TMA7: variants seen among roughly 807,000 people sequenced by gnomAD.
TMA7 encodes translation machinery-associated protein 7.
Under a neutral mutation model 12.5 loss-of-function variants are expected in TMA7, and 5 were observed. That is an observed-to-expected ratio of 0.40 (90% CI 0.21 to 0.84). TMA7 has a LOEUF of 0.84. Among genes scored for constraint, TMA7 ranks in the 40% least tolerant of loss-of-function variants. The pLI is 0.36. For missense variants in TMA7, 71 were observed against 75.4 expected, an observed-to-expected ratio of 0.94 and a Z score of 0.22; for synonymous variants, 36 against 28.1, an observed-to-expected ratio of 1.28 and a Z score of -0.89.
Position 48,440,293 on chromosome 3 carries a change from C to A in TMA7, c.-4C>A. On this transcript the variant is annotated 5_prime_UTR_variant, in exon 1 of 4. Coordinates refer to ENST00000438607, the MANE Select transcript of TMA7 (RefSeq NM_015933.6). ...CAGGGTCTGGGGAAGCGGCGGCAGG[C>A]GCCATGTCCGGCCGCGAAGGTAAGT... The A allele has an allele frequency of 1.2e-6, 2 of 1,604,396 alleles. No homozygotes were observed. The highest frequency in any genetic ancestry group is 2.2e-5 in the South Asian group (2 of 90,322).
chr3:48,441,371 C>T (rs1167608604), intron 3 of TMA7, among the ~76,000 whole-genome samples: 1 of 151,206 alleles, frequency 6.6e-6, no homozygotes, highest in Non-Finnish European at 1.5e-5. Context: ...ATAGTAGAGA[C>T]GGAGTTTCAC....
At chr3:48,440,679 A>G in intron 3 of TMA7, 51 bp downstream of exon 3, 3 of 1,541,434 alleles carry the variant, frequency 1.9e-6, no homozygotes, top group East Asian at 2.3e-5. Context: ...ATGAGCACCT[A>G]TTGGGATGAG....
intron 3 of TMA7, among the ~76,000 whole-genome samples, chr3:48,442,279 A>T (rs1575431328): frequency 1.4e-5 from 2 of 142,818 alleles, no homozygotes. Context: ...AAAAAAAAAA[A>T]GGTATCTTGC....
intron 3 of TMA7, among the ~76,000 whole-genome samples, 177 bp from the exon 4 acceptor site, chr3:48,443,671 C>T (rs1434537164): frequency 6.6e-6 from 1 of 151,982 alleles, no homozygotes; most frequent in Non-Finnish European, 1.5e-5. Flanking sequence ...TACTCCATCT[C>T]ATCCTCATTT....
intron 3 of TMA7, among the ~76,000 whole-genome samples, chr3:48,442,672 G>A (rs1160043480): frequency 1.3e-5 from 2 of 151,630 alleles, no homozygotes; most frequent in Non-Finnish European, 2.9e-5. Context: ...GGATGGTCTC[G>A]ATCTCCTGAC....
At chr3:48,442,146 C>CT (rs1045020088) in intron 3 of TMA7, among the ~76,000 whole-genome samples, 2 of 151,862 alleles carry the variant, frequency 1.3e-5, no homozygotes, top group African/African-American at 4.8e-5. Context: ...GGCAGCCTCG[C>CT]TTAAGCCCAG....
chr3:48,441,333 C>T (rs1049467044), intron 3 of TMA7, among the ~76,000 whole-genome samples: 7 of 151,736 alleles, frequency 4.6e-5, no homozygotes, highest in South Asian at 4.2e-4. Context: ...CGTGAGCCAC[C>T]GCACCTGGCC....
At position 48,442,537 on chromosome 3, in the gene TMA7, C is replaced by T. The variant is rs552005044; in HGVS notation, c.161-1311C>T. Among the ~76,000 whole-genome samples the T allele has an allele frequency of 7.9e-5, 12 of 151,358 alleles. No homozygotes were observed. The South Asian group carries it at 2.3e-3, about 29-fold the overall frequency. ...CATGATCTCAGCTCACTGCAGCCTC[C>T]GCCTCCCAGGTTCAAGTGATTCTCC... On this transcript the variant is annotated intron_variant, in intron 3 of 3. Coordinates refer to ENST00000438607, the MANE Select transcript of TMA7 (RefSeq NM_015933.6).
Position 48,440,383 on chromosome 3 carries a change from C to T in TMA7, c.17-20C>T. 1.2e-6 allele frequency: 2 copies of T among 1,611,648 alleles called. No homozygotes were observed. The highest frequency in any genetic ancestry group is 1.7e-6 in the Non-Finnish European group (2 of 1,179,792). ...GACCGGGCGGCAGGGGCAGGCCGAA[C>T]GTGCTCGTGTCGCCCACAGGTGGCA... On this transcript the variant is annotated intron_variant, in intron 1 of 3. Transcript: ENST00000438607.
chr3:48,440,388 T>C lies in TMA7; in HGVS notation c.17-15T>C. ...GGCGGCAGGGGCAGGCCGAACGTGC[T>C]CGTGTCGCCCACAGGTGGCAAGAAG... On this transcript the variant is annotated splice_polypyrimidine_tract_variant and intron_variant, in intron 1 of 3. Coordinates refer to ENST00000438607, the MANE Select transcript of TMA7 (RefSeq NM_015933.6). 1 of 1,611,688 alleles carries C rather than the reference T, an allele frequency of 6.2e-7. No individual in the cohort carries two copies. The highest frequency in any genetic ancestry group is 8.5e-7 in the Non-Finnish European group (1 of 1,179,780).
chr3:48,440,276 G>A lies in TMA7; in HGVS notation c.-21G>A. 4 of 1,597,716 alleles carry A rather than the reference G, an allele frequency of 2.5e-6. No homozygotes were observed. The highest frequency in any genetic ancestry group is 1.3e-5 in the African/African-American group (1 of 74,772). ...CGCTCCGTTTCCGGTGGCAGGGTCT[G>A]GGGAAGCGGCGGCAGGCGCCATGTC... On this transcript the variant is annotated 5_prime_UTR_variant, in exon 1 of 4. Transcript: ENST00000438607.
Position 48,443,957 on chromosome 3 carries a change from C to T in TMA7, c.*75C>T, listed in dbSNP as rs1002334913. On this transcript the variant is annotated 3_prime_UTR_variant, in exon 4 of 4. Transcript: ENST00000438607. Reference sequence around the variant, plus strand: ...TAAACCTCTCTATTCCCTGCCATAACATCTTTTGCCACGTATAGCTGGAAT... The same window carrying T: ...TAAACCTCTCTATTCCCTGCCATAATATCTTTTGCCACGTATAGCTGGAAT... 19 of 1,064,788 alleles carry T rather than the reference C, an allele frequency of 1.8e-5. No individual in the cohort carries two copies. Among genetic ancestry groups the T allele is most frequent in the Non-Finnish European group, 2.2e-5 (17 of 782,888 alleles). The allele number at this position is 1,064,788 out of a possible 1,614,324, so 66.0% of individuals were successfully genotyped here.
At chr3:48,441,755 T>C (rs943755805) in intron 3 of TMA7, among the ~76,000 whole-genome samples, 3 of 152,234 alleles carry the variant, frequency 2.0e-5, no homozygotes, top group African/African-American at 4.8e-5. Context: ...ATCCAACTAG[T>C]GATTATTTCC....
chr3:48,440,469 GC>G lies in TMA7; in HGVS notation c.72+12del, dbSNP rs2039530951. On this transcript the variant is annotated intron_variant, in intron 2 of 3. Transcript: ENST00000438607. ...AAGGAGATGGACGAGGTGAGGGCGG[GC>G]GCGGAGGCACTGGCGGGTGCGGGGG... is the stretch of plus-strand genomic sequence containing the variant. The G allele has an allele frequency of 3.7e-6, 6 of 1,611,812 alleles. No homozygotes were observed. The East Asian group carries it at 1.3e-4, about 36-fold the overall frequency.
intron 3 of TMA7, among the ~76,000 whole-genome samples, chr3:48,443,177 G>T (rs538365335): frequency 6.7e-6 from 1 of 149,308 alleles, no homozygotes; most frequent in East Asian, 2.0e-4. Context: ...GGAGGCGGAG[G>T]CTGCAGTGAG....
chr3:48,443,953 A>C lies in TMA7; in HGVS notation c.*71A>C. 1 of 1,160,076 alleles carries C rather than the reference A, an allele frequency of 8.6e-7. No individual in the cohort carries two copies. The highest frequency in any genetic ancestry group is 1.2e-6 in the Non-Finnish European group (1 of 865,180). The allele number at this position is 1,160,076 out of a possible 1,614,324, so 71.9% of individuals were successfully genotyped here. ...TATTTAAACCTCTCTATTCCCTGCCATAACATCTTTTGCCACGTATAGCTG... is the reference window on the plus strand; with the variant it reads ...TATTTAAACCTCTCTATTCCCTGCCCTAACATCTTTTGCCACGTATAGCTG... On this transcript the variant is annotated 3_prime_UTR_variant, in exon 4 of 4. Coordinates refer to ENST00000438607, the MANE Select transcript of TMA7 (RefSeq NM_015933.6).
intron 3 of TMA7, chr3:48,440,924 C>CA (rs2039546217): frequency 2.0e-6 from 1 of 490,322 alleles, no homozygotes; most frequent in East Asian, 3.7e-5. Flanking sequence ...TTAAGTTTCT[C>CA]AAAGTCTGAC....
chr3:48,440,894 C>T, intron 3 of TMA7: 2 of 543,574 alleles, frequency 3.7e-6, no homozygotes, highest in East Asian at 6.2e-5. Flanking sequence ...AATGTATTTA[C>T]CTCAGACGCA....
At chr3:48,441,218 G>T (rs968761946) in intron 3 of TMA7, among the ~76,000 whole-genome samples, 1 of 151,728 alleles carries the variant, frequency 6.6e-6, no homozygotes, top group African/African-American at 2.4e-5. Context: ...GCTAATTTTT[G>T]TATTTTTAGT....
Sources: allele counts gnomAD v4.1 joint callset (sites outside exome capture counted in the v4.1 genomes callset), GRCh38; gene constraint gnomAD v4.1.1; transcripts MANE v1.5; gene names NCBI Gene and HGNC (gene_info 2026-07-23, HGNC 2026-07-21).